The following KCNH7 variants were observed in gnomAD, a reference collection of about 807,000 sequenced individuals.
The protein encoded by KCNH7 is voltage-gated inwardly rectifying potassium channel KCNH7.
Under a neutral mutation model 120.8 loss-of-function variants are expected in KCNH7, and 49 were observed. The observed-to-expected ratio is 0.41, with a 90% CI of 0.32 to 0.51. KCNH7 has a LOEUF of 0.51. KCNH7 is among the 20% of genes least tolerant of loss of function. KCNH7 has a pLI of 0.38. For synonymous variants in KCNH7, 547 were observed against 516.1 expected (o/e 1.06, Z -0.81); for missense variants, 1,097 against 1,446.6 (o/e 0.76, Z 3.92).
At chr2:162,834,175 T>G (rs1685572572) in intron 2 of KCNH7, among the ~76,000 whole-genome samples, 1 of 152,052 alleles carries the variant, frequency 6.6e-6, no homozygotes. Flanking sequence ...TCTCATAAGC[T>G]CTAACTGATT....
chr2:162,598,073 G>GT (rs1289613556), intron 2 of KCNH7, among the ~76,000 whole-genome samples: 1 of 151,816 alleles, frequency 6.6e-6, no homozygotes, highest in East Asian at 1.9e-4. Flanking sequence ...GTTTATTTCC[G>GT]TTTTTTCCCC....
At chr2:162,431,632 G>A (rs1010839370) in intron 8 of KCNH7, among the ~76,000 whole-genome samples, 6 of 151,902 alleles carry the variant, frequency 3.9e-5, no homozygotes, top group African/African-American at 9.7e-5. Flanking sequence ...GGATTAAGGT[G>A]TATAGAACCA....
At chr2:162,785,525 A>G (rs1683667742) in intron 2 of KCNH7, among the ~76,000 whole-genome samples, 1 of 148,450 alleles carries the variant, frequency 6.7e-6, no homozygotes, top group African/African-American at 2.5e-5. Flanking sequence ...ATTTGCGACT[A>G]TTGGGCTGTC....
intron 2 of KCNH7, among the ~76,000 whole-genome samples, chr2:162,692,518 C>T (rs1295799904): frequency 6.6e-6 from 1 of 152,028 alleles, no homozygotes; most frequent in East Asian, 1.9e-4. Context: ...AGACAGTATA[C>T]TAAATTTGAA....
intron 2 of KCNH7, among the ~76,000 whole-genome samples, chr2:162,561,214 A>G (rs978288226): frequency 2.0e-5 from 3 of 152,098 alleles, no homozygotes; most frequent in African/African-American, 7.2e-5. Flanking sequence ...TTCATGATGC[A>G]TATGCTCCTT....
chr2:162,786,780 G>A (rs1683722980), intron 2 of KCNH7, among the ~76,000 whole-genome samples: 1 of 152,030 alleles, frequency 6.6e-6, no homozygotes, highest in African/African-American at 2.4e-5. Flanking sequence ...ATAAGAAGAG[G>A]GGTATCATCA....
chr2:162,831,335 CG>C (rs1685469830), intron 2 of KCNH7, among the ~76,000 whole-genome samples: 2 of 152,152 alleles, frequency 1.3e-5, no homozygotes, highest in East Asian at 1.9e-4. Flanking sequence ...GAGGATGGAT[CG>C]GGGGAGAGAA....
intron 6 of KCNH7, among the ~76,000 whole-genome samples, chr2:162,484,288 T>C (rs1397027833): frequency 6.6e-6 from 1 of 151,638 alleles, no homozygotes; most frequent in East Asian, 1.9e-4. Context: ...AAAGCCAATA[T>C]ATAAAGCCAC....
intron 2 of KCNH7, among the ~76,000 whole-genome samples, chr2:162,703,206 C>T (rs1686576254): frequency 1.3e-5 from 2 of 151,858 alleles, no homozygotes; most frequent in South Asian, 4.2e-4. Flanking sequence ...TAATTAGATG[C>T]CCCAAAAAAC....
intron 2 of KCNH7, among the ~76,000 whole-genome samples, chr2:162,625,874 G>A (rs1030742843): frequency 6.6e-6 from 1 of 152,082 alleles, no homozygotes; most frequent in Non-Finnish European, 1.5e-5. Context: ...GGTCACCTGG[G>A]GGAAAGAGAC....
chr2:162,491,140 C>A (rs1197962006), intron 6 of KCNH7, among the ~76,000 whole-genome samples: 1 of 152,200 alleles, frequency 6.6e-6, no homozygotes, highest in Non-Finnish European at 1.5e-5. Context: ...CCGACCCATC[C>A]TGCCATGAAC....
chr2:162,463,144 G>A (rs547095023), intron 6 of KCNH7, among the ~76,000 whole-genome samples: 2 of 152,054 alleles, frequency 1.3e-5, no homozygotes, highest in Non-Finnish European at 1.5e-5. Context: ...GTTCTTGGAA[G>A]GCTGTCATTT....
At chr2:162,593,180 G>C (rs1330461398) in intron 2 of KCNH7, among the ~76,000 whole-genome samples, 1 of 152,066 alleles carries the variant, frequency 6.6e-6, no homozygotes, top group Non-Finnish European at 1.5e-5. Context: ...TAAAAAACAA[G>C]GGGCAGGCCT....
Position 162,795,562 on chromosome 2 carries a change from G to A in KCNH7, c.307+40975C>T, listed in dbSNP as rs545854301. The A allele has an allele frequency of 4.6e-5, 7 of 152,102 alleles. 1 individual carries two copies. The South Asian group carries it at 1.5e-3, about 32-fold the overall frequency. The allele number at this position is 152,102 out of a possible 1,614,324, so 9.4% of individuals were successfully genotyped here. A position where few individuals can be genotyped will look rare whatever the true frequency, so the allele number is the denominator to read the frequency against. ...TGACAATTAGCTTTGAAAATCTATA[G>A]TTCCAATCCTGTGAAATGAGAAGAA... On this transcript the variant is annotated intron_variant, in intron 2 of 15. Transcript: ENST00000332142.
intron 2 of KCNH7, among the ~76,000 whole-genome samples, chr2:162,813,296 G>A (rs916391644): frequency 1.3e-5 from 2 of 152,110 alleles, no homozygotes; most frequent in Non-Finnish European, 2.9e-5. Context: ...TGGATAAAAA[G>A]GAATGCCAAA....
At chr2:162,664,025 T>C (rs1022733491) in intron 2 of KCNH7, among the ~76,000 whole-genome samples, 3 of 152,138 alleles carry the variant, frequency 2.0e-5, no homozygotes, top group African/African-American at 7.2e-5. Context: ...GCCAATGCTA[T>C]AGTCTGCATT....
intron 6 of KCNH7, among the ~76,000 whole-genome samples, chr2:162,460,263 C>T (rs1427218226): frequency 1.3e-5 from 2 of 152,016 alleles, no homozygotes; most frequent in African/African-American, 4.8e-5. Context: ...CACCTCCTTC[C>T]TTCGAGAGAA....
intron 2 of KCNH7, among the ~76,000 whole-genome samples, chr2:162,650,424 G>C (rs1173039878): frequency 6.6e-6 from 1 of 152,020 alleles, no homozygotes; most frequent in Non-Finnish European, 1.5e-5. Flanking sequence ...CAGTTGTTCA[G>C]GAATATTCTT....
chr2:162,729,897 C>T (rs1687664489), intron 2 of KCNH7, among the ~76,000 whole-genome samples: 1 of 151,762 alleles, frequency 6.6e-6, no homozygotes, highest in South Asian at 2.1e-4. Flanking sequence ...TTTTCTTCAT[C>T]TCCTGAGATG....
Sources: gnomAD v4.1 joint callset for allele counts (sites outside exome capture counted in the v4.1 genomes callset) on GRCh38, gnomAD v4.1.1 for gene constraint, MANE v1.5 for transcripts, NCBI Gene and HGNC (gene_info 2026-07-23, HGNC 2026-07-21) for gene names.